The following TRMT9B variants were observed in gnomAD, a reference collection of about 807,000 sequenced individuals.
TRMT9B encodes probable tRNA methyltransferase 9B.
TRMT9B carries 16 observed loss-of-function variants against 11.5 expected under a neutral mutation model. That is an observed-to-expected ratio of 1.39 (90% CI 0.94 to 2.11). The LOEUF is 2.11. Among genes scored for constraint, TRMT9B ranks in the 30% most tolerant of loss-of-function variants. TRMT9B has a pLI of 0.00. For synonymous variants in TRMT9B, 274 were observed against 192.4 expected (o/e 1.42, Z -3.51); for missense variants, 941 against 553.8 (o/e 1.70, Z -7.02).
intron 1 of TRMT9B, among the ~76,000 whole-genome samples, chr8:12,987,103 T>G (rs750006452): frequency 2.6e-5 from 4 of 152,336 alleles, no homozygotes; most frequent in Admixed American, 6.5e-5. Context: ...CCCTTTCTCC[T>G]CGCCATCTGT....
intron 1 of TRMT9B, among the ~76,000 whole-genome samples, chr8:12,950,741 G>C (rs1317280481): frequency 2.6e-5 from 4 of 152,080 alleles, no homozygotes. Context: ...CCTCTTAGTA[G>C]CACCTGAAAT....
chr8:13,016,228 ATATATAT>A lies in TRMT9B; in HGVS notation c.328+3379_328+3385del, dbSNP rs932880349. 2.0e-4 allele frequency among the ~76,000 whole-genome samples: 23 copies of A among 114,322 alleles called. 4 individuals carry two copies. Among genetic ancestry groups the A allele is most frequent in the African/African-American group, 7.1e-4 (21 of 29,680 alleles). 75.0% of individuals were successfully genotyped at this position (114,322 alleles called of 152,430 possible). On this transcript the variant is annotated intron_variant, in intron 4 of 4. Transcript: ENST00000524591. ...TATATATATAAAATATAAATGTGAA[ATATATAT>A]TATATATAAAATATAAATGTGAAAT...
Position 13,026,173 on chromosome 8 carries a change from A to T in TRMT9B, c.*4129A>T, listed in dbSNP as rs561722829. ...GACAAGCAGCTGCAGTCTAAGAAAA[A>T]CAAATTAGGGCAGGCCTCAGCATCT... On this transcript the variant is annotated 3_prime_UTR_variant, in exon 5 of 5. Transcript: ENST00000524591. 6.0e-6 allele frequency: 1 copy of T among 167,236 alleles called. No homozygotes were observed. Among genetic ancestry groups the T allele is most frequent in the Non-Finnish European group, 1.5e-5 (1 of 68,138 alleles). The allele number at this position is 167,236 out of a possible 1,614,324, so 10.4% of individuals were successfully genotyped here. A position where few individuals can be genotyped will look rare whatever the true frequency, so the allele number is the denominator to read the frequency against.
intron 1 of TRMT9B, among the ~76,000 whole-genome samples, chr8:12,978,333 C>G (rs1330171330): frequency 6.6e-6 from 1 of 152,174 alleles, no homozygotes; most frequent in African/African-American, 2.4e-5. Context: ...CCTTTGTTTC[C>G]TGGCAGTCAG....
At chr8:13,002,192 C>T (rs1809565123) in intron 2 of TRMT9B, among the ~76,000 whole-genome samples, 1 of 152,110 alleles carries the variant, frequency 6.6e-6, no homozygotes, top group Non-Finnish European at 1.5e-5. Context: ...TCAGATACTA[C>T]AAATTCTGAG....
chr8:13,012,709 A>C lies in TRMT9B; in HGVS notation c.180A>C (p.Lys60Asn), dbSNP rs374032501. ...GTTGTGGGACTGGAAAATATCTTAA[A>C]GTGAACAGCCAGGTACATACCGTGG... ...DIGCGTGKYL[K>N]VNSQVHTVGC... The change falls in exon 4 of 5, where the codon AAA becomes AAC. Residue 60 changes from lysine (K) to asparagine (N), a missense_variant. Lys to Asn is a moderately conservative substitution (Grantham distance 94, BLOSUM62 0). Coordinates refer to ENST00000524591, the MANE Select transcript of TRMT9B (RefSeq NM_020844.3). 1 of 1,613,636 alleles carries C rather than the reference A, an allele frequency of 6.2e-7. No homozygotes were observed. The highest frequency in any genetic ancestry group is 1.3e-5 in the African/African-American group (1 of 74,928).
At chr8:13,006,777 T>C (rs1585329632) in intron 3 of TRMT9B, 1 of 568,992 alleles carries the variant, frequency 1.8e-6, no homozygotes, top group Non-Finnish European at 2.5e-6. Flanking sequence ...CAACTGATTC[T>C]CCTGCCTCAG....
At chr8:12,969,086 A>G in intron 1 of TRMT9B, among the ~76,000 whole-genome samples, 1 of 152,160 alleles carries the variant, frequency 6.6e-6, no homozygotes, top group East Asian at 1.9e-4. Context: ...GGTAGCATGC[A>G]CCTGTAATTC....
chr8:12,980,815 AG>A (rs889593857), intron 1 of TRMT9B, among the ~76,000 whole-genome samples: 4 of 152,224 alleles, frequency 2.6e-5, no homozygotes, highest in African/African-American at 9.6e-5. Flanking sequence ...AAAAGCATGA[AG>A]GTATCAAATG....
At chr8:12,971,453 G>A (rs1049251561) in intron 1 of TRMT9B, among the ~76,000 whole-genome samples, 2 of 152,092 alleles carry the variant, frequency 1.3e-5, no homozygotes, top group African/African-American at 4.8e-5. Context: ...AGTTTTCTTT[G>A]TGAGGTTTAA....
intron 1 of TRMT9B, among the ~76,000 whole-genome samples, chr8:12,979,162 G>T (rs765081077): frequency 6.6e-6 from 1 of 152,168 alleles, no homozygotes; most frequent in Non-Finnish European, 1.5e-5. Context: ...GGAAGTAAGC[G>T]TTGTCCTTTT....
chr8:12,997,066 C>T (rs1808492853), intron 2 of TRMT9B, among the ~76,000 whole-genome samples: 1 of 151,272 alleles, frequency 6.6e-6, no homozygotes, highest in African/African-American at 2.4e-5. Flanking sequence ...TAAACGGAAT[C>T]CAACAGTGTG....
chr8:13,000,343 T>C (rs1268373189), intron 2 of TRMT9B, among the ~76,000 whole-genome samples: 4 of 152,226 alleles, frequency 2.6e-5, no homozygotes. Flanking sequence ...CTGTTGCTAG[T>C]AGCAGGAATT....
chr8:12,979,090 T>C (rs529312975), intron 1 of TRMT9B, among the ~76,000 whole-genome samples: 2 of 152,270 alleles, frequency 1.3e-5, no homozygotes, highest in Admixed American at 1.3e-4. Context: ...TGGTGTGGAA[T>C]GGGCTGAGCT....
intron 3 of TRMT9B, chr8:13,006,715 T>G: frequency 8.3e-7 from 1 of 1,209,772 alleles, no homozygotes. Context: ...GTCAACCAGA[T>G]TGGAGTGCAG....
chr8:12,987,695 A>G (rs1806573071), intron 1 of TRMT9B, among the ~76,000 whole-genome samples: 1 of 73,548 alleles, frequency 1.4e-5, no homozygotes, highest in South Asian at 3.1e-4. Context: ...CCTGTCTCAA[A>G]AAAAAAAATG....
At position 13,022,182 on chromosome 8, in the gene TRMT9B, G is replaced by T; in HGVS notation, c.*138G>T. 1 of 554,824 alleles carries T rather than the reference G, an allele frequency of 1.8e-6. No homozygotes were observed. Among genetic ancestry groups the T allele is most frequent in the Non-Finnish European group, 2.9e-6 (1 of 343,720 alleles). The allele number at this position is 554,824 out of a possible 1,614,324, so 34.4% of individuals were successfully genotyped here. On this transcript the variant is annotated 3_prime_UTR_variant, in exon 5 of 5. Transcript: ENST00000524591. The stretch of plus-strand genomic sequence containing the variant: ...GTCTGCAGAGACTATTAATTATTTG[G>T]TTGTTTTGTTTTCATTTTTGAATAA...
intron 3 of TRMT9B, chr8:13,012,337 G>A (rs1021069823): frequency 1.1e-6 from 1 of 942,388 alleles, no homozygotes; most frequent in Non-Finnish European, 1.3e-6. Flanking sequence ...AGCACTTTGG[G>A]AGGCCGAGGC....
At chr8:13,013,753 C>T (rs1434498035) in intron 4 of TRMT9B, among the ~76,000 whole-genome samples, 2 of 152,068 alleles carry the variant, frequency 1.3e-5, no homozygotes, top group Non-Finnish European at 2.9e-5. Context: ...GAGATCGAGA[C>T]CAGCCTGGCC....
Sources: allele counts gnomAD v4.1 joint callset (sites outside exome capture counted in the v4.1 genomes callset), GRCh38; gene constraint gnomAD v4.1.1; transcripts MANE v1.5; gene names NCBI Gene and HGNC (gene_info 2026-07-23, HGNC 2026-07-21).